NRXN1: variants seen among roughly 807,000 people sequenced by gnomAD.
The protein encoded by NRXN1 is neurexin-1.
In NRXN1, 39 loss-of-function variants were observed where a neutral mutation model predicts 150.9. The ratio of observed to expected loss-of-function variants is 0.26; its 90% CI spans 0.20 to 0.34. The LOEUF is 0.34. NRXN1 is among the 10% of genes least tolerant of loss of function. The pLI, the probability that NRXN1 is intolerant of heterozygous loss-of-function variation, is 1.00. For synonymous variants in NRXN1, 924 were observed against 757.0 expected (o/e 1.22, Z -3.62); for missense variants, 1,815 against 1,949.9 (o/e 0.93, Z 1.30).
intron 17 of NRXN1, among the ~76,000 whole-genome samples, chr2:50,323,506 G>A (rs1311874108): frequency 6.6e-6 from 1 of 151,716 alleles, no homozygotes; most frequent in Non-Finnish European, 1.5e-5. Flanking sequence ...AGAGGCCCCT[G>A]CAATGTTTGG....
At chr2:50,542,291 AAG>A (rs3052540) in intron 9 of NRXN1, among the ~76,000 whole-genome samples, 9 of 151,294 alleles carry the variant, frequency 5.9e-5, no homozygotes, top group South Asian at 2.1e-4. Flanking sequence ...GAAAGAAAGA[AAG>A]AGAGAGAGAG....
At chr2:50,959,308 A>C (rs1692773639) in intron 2 of NRXN1, among the ~76,000 whole-genome samples, 1 of 152,118 alleles carries the variant, frequency 6.6e-6, no homozygotes, top group Non-Finnish European at 1.5e-5. Flanking sequence ...ACTTGCTTAT[A>C]AATGTTCAAA....
chr2:50,532,284 T>A (rs1573429942), intron 10 of NRXN1, among the ~76,000 whole-genome samples: 1 of 151,630 alleles, frequency 6.6e-6, no homozygotes, highest in African/African-American at 2.4e-5. Context: ...TCTGAAAACC[T>A]GTAGTTCTAG....
At chr2:50,733,561 T>C (rs186084344) in intron 5 of NRXN1, among the ~76,000 whole-genome samples, 1 of 152,314 alleles carries the variant, frequency 6.6e-6, no homozygotes, top group Admixed American at 6.5e-5. Context: ...AGATACATAA[T>C]ACACTTGCCC....
intron 5 of NRXN1, among the ~76,000 whole-genome samples, chr2:50,679,489 T>A (rs1690047164): frequency 6.6e-6 from 1 of 152,086 alleles, no homozygotes; most frequent in Admixed American, 6.6e-5. Flanking sequence ...TTTCATTGCT[T>A]CCAAAAATTA....
chr2:50,936,021 A>C (rs1479925798), intron 2 of NRXN1, among the ~76,000 whole-genome samples: 2 of 152,168 alleles, frequency 1.3e-5, no homozygotes, highest in Non-Finnish European at 2.9e-5. Context: ...CTCTATTGAT[A>C]CATAGTGAAT....
intron 17 of NRXN1, among the ~76,000 whole-genome samples, chr2:50,268,514 T>G (rs979127752): frequency 7.2e-5 from 11 of 152,100 alleles, no homozygotes; most frequent in Admixed American, 1.3e-4. Flanking sequence ...GTTCAGAGTA[T>G]AGCTCATGGC....
rs77152373 is a variant in NRXN1 at position 50,073,640 on chromosome 2, T to G, written c.3718+17683A>C. Among the ~76,000 whole-genome samples, 177 of 152,226 alleles carry G rather than the reference T, an allele frequency of 1.2e-3. 3 individuals are homozygous for G. Among genetic ancestry groups the G allele is most frequent in the Admixed American group, 2.5e-3 (38 of 15,292 alleles). Reference sequence around the variant, plus strand: ...AAGAGAAGCAATTTGACATTAATATTTAGATATGGAGTTAACTTCCTTCTT... The same window carrying G: ...AAGAGAAGCAATTTGACATTAATATGTAGATATGGAGTTAACTTCCTTCTT... On this transcript the variant is annotated intron_variant, in intron 19 of 22. Transcript: ENST00000401669.
At chr2:49,953,473 C>G (rs1262488906) in intron 21 of NRXN1, among the ~76,000 whole-genome samples, 1 of 152,046 alleles carries the variant, frequency 6.6e-6, no homozygotes, top group Non-Finnish European at 1.5e-5. Flanking sequence ...TTCTGGTGCA[C>G]ATTGGTTCTT....
chr2:50,147,774 C>T (rs2058435789), intron 18 of NRXN1, among the ~76,000 whole-genome samples: 1 of 151,778 alleles, frequency 6.6e-6, no homozygotes, highest in Non-Finnish European at 1.5e-5. Flanking sequence ...ACCTTAACCA[C>T]AGGCTTCTTC....
chr2:50,667,107 T>A (rs1688167687), intron 5 of NRXN1, among the ~76,000 whole-genome samples: 1 of 151,980 alleles, frequency 6.6e-6, no homozygotes, highest in African/African-American at 2.4e-5. Context: ...ATTTATGAAC[T>A]TGTGCTTTTA....
intron 18 of NRXN1, among the ~76,000 whole-genome samples, chr2:50,148,956 G>T (rs2058532583): frequency 6.6e-6 from 1 of 151,646 alleles, no homozygotes; most frequent in African/African-American, 2.4e-5. Flanking sequence ...TAAATTTACA[G>T]TGTGTATAAT....
Position 50,832,897 on chromosome 2 carries a change from G to A in NRXN1, c.832+88972C>T, listed in dbSNP as rs1574640995. On this transcript the variant is annotated intron_variant, in intron 5 of 22. Transcript: ENST00000401669. Reference sequence around the variant, plus strand: ...TTTCTGTGAAAGGATAGACTGAGAGGAAAATATTTTCAAATCACAAATCTG... The same window carrying A: ...TTTCTGTGAAAGGATAGACTGAGAGAAAAATATTTTCAAATCACAAATCTG... 5.3e-5 allele frequency among the ~76,000 whole-genome samples: 8 copies of A among 152,244 alleles called. 1 individual carries two copies. The South Asian group carries it at 1.7e-3, about 32-fold the overall frequency.
intron 5 of NRXN1, among the ~76,000 whole-genome samples, chr2:50,661,048 T>A (rs975401128): frequency 2.0e-5 from 3 of 151,600 alleles, no homozygotes; most frequent in African/African-American, 7.3e-5. Flanking sequence ...GACTAGAATC[T>A]TACCTCAAGT....
chr2:50,662,838 A>G (rs1392529109), intron 5 of NRXN1, among the ~76,000 whole-genome samples: 2 of 152,132 alleles, frequency 1.3e-5, no homozygotes, highest in African/African-American at 2.4e-5. Context: ...GGACACTAGC[A>G]CTGAAGGTGT....
At chr2:50,374,870 C>A (rs188672047) in intron 17 of NRXN1, among the ~76,000 whole-genome samples, 4 of 152,106 alleles carry the variant, frequency 2.6e-5, no homozygotes, top group African/African-American at 9.7e-5. Flanking sequence ...AGTTTCACAG[C>A]CTTCCTTTTG....
chr2:50,360,630 A>G (rs543587815), intron 17 of NRXN1, among the ~76,000 whole-genome samples: 36 of 152,336 alleles, frequency 2.4e-4, no homozygotes, highest in African/African-American at 8.2e-4. Flanking sequence ...TTAGAGACCT[A>G]CAAAGAGACT....
At chr2:49,939,736 C>T (rs769525191) in intron 22 of NRXN1, among the ~76,000 whole-genome samples, 1 of 152,070 alleles carries the variant, frequency 6.6e-6, no homozygotes, top group Non-Finnish European at 1.5e-5. Flanking sequence ...GGGAAAAAGC[C>T]ACCATTTATG....
chr2:50,285,761 C>T (rs1337136453), intron 17 of NRXN1, among the ~76,000 whole-genome samples: 1 of 151,984 alleles, frequency 6.6e-6, no homozygotes, highest in Non-Finnish European at 1.5e-5. Flanking sequence ...TCAGAAATAA[C>T]TTCATGAAAT....
Sources: allele counts gnomAD v4.1 joint callset (sites outside exome capture counted in the v4.1 genomes callset), GRCh38; gene constraint gnomAD v4.1.1; transcripts MANE v1.5; gene names NCBI Gene and HGNC (gene_info 2026-07-23, HGNC 2026-07-21).